The following FRMPD4 variants were observed in gnomAD, a reference collection of about 807,000 sequenced individuals.
FRMPD4 encodes FERM and PDZ domain containing 4, also known as FERM and PDZ domain-containing protein 4.
FRMPD4 carries 22 observed loss-of-function variants against 94.1 expected under a neutral mutation model. The observed-to-expected ratio is 0.23, with a 90% CI of 0.17 to 0.33. The LOEUF is 0.33. Ranked by LOEUF, FRMPD4 falls within the 10% of genes least tolerant of loss-of-function variation. The probability of loss-of-function intolerance (pLI) is 1.00; values close to 1 mark genes in which losing one functional copy is unlikely to be tolerated. For synonymous variants in FRMPD4, 631 were observed against 548.6 expected (o/e 1.15, Z -2.10); for missense variants, 1,111 against 1,339.9 (o/e 0.83, Z 2.67).
At chrX:12,294,674 T>C (rs1432774613) in intron 1 of FRMPD4, among the ~76,000 whole-genome samples, 1 of 111,752 alleles carries the variant, frequency 8.9e-6, no homozygotes, top group Non-Finnish European at 1.9e-5. Flanking sequence ...AGTGGTAAGA[T>C]TGATGGCTCC....
chrX:12,172,829 A>G (rs1394321419), intron 1 of FRMPD4, among the ~76,000 whole-genome samples: 1 of 112,379 alleles, frequency 8.9e-6, no homozygotes, highest in Non-Finnish European at 1.9e-5. Context: ...TAGAAAAGAA[A>G]CCTTTCTTTA....
chrX:12,657,813 AG>A (rs1191720925), intron 4 of FRMPD4, among the ~76,000 whole-genome samples: 1 of 112,660 alleles, frequency 8.9e-6, no homozygotes, highest in Non-Finnish European at 1.9e-5. Context: ...GCCTTCAGAT[AG>A]ACTTTACTAA....
At chrX:12,510,614 A>G (rs2058033111) in intron 2 of FRMPD4, among the ~76,000 whole-genome samples, 1 of 112,481 alleles carries the variant, frequency 8.9e-6, no homozygotes, top group Non-Finnish European at 1.9e-5. Flanking sequence ...AGACCAGTTG[A>G]AAAGTTACAG....
chrX:11,857,683 C>T (rs900367073), intron 1 of FRMPD4, among the ~76,000 whole-genome samples: 31 of 112,745 alleles, frequency 2.7e-4, no homozygotes, highest in African/African-American at 9.6e-4. Flanking sequence ...ATGCTAAAAG[C>T]AATCGCAACA....
At chrX:12,050,340 A>G (rs192268919) in intron 3 of FRMPD4, among the ~76,000 whole-genome samples, 1 of 111,994 alleles carries the variant, frequency 8.9e-6, no homozygotes, top group Admixed American at 9.5e-5. Context: ...ACACATACTT[A>G]GCATTGTGCT....
chrX:12,169,319 G>C (rs148870946), intron 1 of FRMPD4, among the ~76,000 whole-genome samples: 481 of 112,054 alleles, frequency 4.3e-3, no homozygotes, highest in African/African-American at 0.015. Context: ...TGTTGGTTTA[G>C]TTTTCTGGAC....
intron 1 of FRMPD4, among the ~76,000 whole-genome samples, chrX:12,379,713 G>T (rs965857604): frequency 1.9e-5 from 2 of 106,545 alleles, no homozygotes; most frequent in African/African-American, 6.9e-5. Context: ...TCAAATGTTA[G>T]ATTGGGAGCA....
chrX:12,626,137 G>A (rs7064368), intron 4 of FRMPD4, among the ~76,000 whole-genome samples: 3 of 110,117 alleles, frequency 2.7e-5, no homozygotes, highest in Admixed American at 9.7e-5. Flanking sequence ...GACCAGCCTG[G>A]TCAACATAGT....
rs772255254 is a variant in FRMPD4, at chrX:12,575,349, C to T, written c.159-34372C>T. 3.9e-3 allele frequency among the ~76,000 whole-genome samples: 412 copies of T among 106,911 alleles called. 2 individuals carry two copies. The highest frequency in any genetic ancestry group is 0.014 in the African/African-American group (400 of 28,958). 92.8% of individuals were successfully genotyped at this position (106,911 alleles called of 115,157 possible). ...TTTTTCCAGAACCGTATCTTATTTC[C>T]CCTATGACCTTTGCTGTTGCTCGGT... is the stretch of plus-strand genomic sequence containing the variant. On this transcript the variant is annotated intron_variant, in intron 2 of 16. Transcript: ENST00000675598.
At chrX:12,332,461 A>G in intron 1 of FRMPD4, among the ~76,000 whole-genome samples, 1 of 109,865 alleles carries the variant, frequency 9.1e-6, no homozygotes, top group Non-Finnish European at 1.9e-5. Context: ...AATCTAAAGA[A>G]ATAAGCGAGT....
intron 3 of FRMPD4, among the ~76,000 whole-genome samples, chrX:12,026,409 A>T (rs985241931): frequency 1.8e-5 from 2 of 112,046 alleles, no homozygotes; most frequent in Non-Finnish European, 3.8e-5. Flanking sequence ...GGAGATATAA[A>T]TTAATTTAAC....
chrX:11,963,545 A>G (rs995457887), intron 3 of FRMPD4, among the ~76,000 whole-genome samples: 1 of 112,114 alleles, frequency 8.9e-6, no homozygotes, highest in Admixed American at 9.5e-5. Context: ...TTATTCATCT[A>G]ATCTTTTTGA....
chrX:12,005,416 G>C (rs5935222), intron 3 of FRMPD4, among the ~76,000 whole-genome samples: 4,886 of 100,326 alleles, frequency 0.049, 55 homozygotes, highest in East Asian at 0.14. Context: ...TTCAGCTTGA[G>C]CATTATTGAG....
At chrX:12,348,882 G>A (rs2055756986) in intron 1 of FRMPD4, among the ~76,000 whole-genome samples, 1 of 112,347 alleles carries the variant, frequency 8.9e-6, no homozygotes, top group African/African-American at 3.2e-5. Flanking sequence ...AAAACTCCAT[G>A]TTTAATGAAA....
chrX:12,107,816 G>A (rs889233037), intron 3 of FRMPD4, among the ~76,000 whole-genome samples: 1 of 111,459 alleles, frequency 9.0e-6, no homozygotes, highest in African/African-American at 3.3e-5. Flanking sequence ...GGAAGAAAGG[G>A]TTTCAGTGAT....
chrX:12,031,742 G>A (rs2054693138), intron 3 of FRMPD4, among the ~76,000 whole-genome samples: 1 of 111,753 alleles, frequency 8.9e-6, no homozygotes, highest in Non-Finnish European at 1.9e-5. Flanking sequence ...GAATGCTTGT[G>A]TACAGGAGAC....
chrX:12,232,066 C>A (rs1167562301), intron 1 of FRMPD4, among the ~76,000 whole-genome samples: 1 of 111,307 alleles, frequency 9.0e-6, no homozygotes, highest in Non-Finnish European at 1.9e-5. Flanking sequence ...CCAAGCAAAA[C>A]GGACTGTATG....
chrX:12,653,929 A>G (rs1413460759), intron 4 of FRMPD4, among the ~76,000 whole-genome samples: 2 of 111,527 alleles, frequency 1.8e-5, no homozygotes, highest in Non-Finnish European at 3.8e-5. Context: ...CACCATGCCC[A>G]GCTAATTTTG....
At chrX:12,401,465 G>A (rs1275986645) in intron 1 of FRMPD4, among the ~76,000 whole-genome samples, 1 of 111,315 alleles carries the variant, frequency 9.0e-6, no homozygotes, top group Non-Finnish European at 1.9e-5. Context: ...GCTTCTAATA[G>A]TTTTTGGCTT....
Sources: gnomAD v4.1 joint callset for allele counts (sites outside exome capture counted in the v4.1 genomes callset) on GRCh38, gnomAD v4.1.1 for gene constraint, MANE v1.5 for transcripts, NCBI Gene and HGNC (gene_info 2026-07-23, HGNC 2026-07-21) for gene names.